NLGN1: variants seen among roughly 807,000 people sequenced by gnomAD.
NLGN1 encodes neuroligin-1.
A neutral mutation model predicts 65.5 loss-of-function variants in NLGN1; 12 were observed. The ratio of observed to expected loss-of-function variants is 0.18; its 90% CI spans 0.12 to 0.30. The LOEUF is 0.30. Among genes scored for constraint, NLGN1 ranks in the 10% least tolerant of loss-of-function variants. NLGN1 has a pLI of 1.00. For synonymous variants in NLGN1, 350 were observed against 359.5 expected (o/e 0.97, Z 0.30); for missense variants, 750 against 1,007.1 (o/e 0.74, Z 3.46).
At chr3:173,696,998 T>C (rs1177612749) in intron 3 of NLGN1, among the ~76,000 whole-genome samples, 2 of 152,178 alleles carry the variant, frequency 1.3e-5, no homozygotes, top group Non-Finnish European at 2.9e-5. Flanking sequence ...GATAGAGCCA[T>C]AGAGCAAGCC....
chr3:173,426,497 G>T (rs907346227), intron 1 of NLGN1, among the ~76,000 whole-genome samples: 4 of 151,976 alleles, frequency 2.6e-5, no homozygotes, highest in Non-Finnish European at 5.9e-5. Context: ...ATGTTTTGGG[G>T]TATGTTTTTT....
At chr3:173,762,293 T>G (rs1264904614) in intron 3 of NLGN1, among the ~76,000 whole-genome samples, 1 of 152,012 alleles carries the variant, frequency 6.6e-6, no homozygotes, top group Non-Finnish European at 1.5e-5. Flanking sequence ...ATGAAGTACT[T>G]TTTTGTTGTT....
chr3:173,561,985 G>T (rs910606165), intron 2 of NLGN1, among the ~76,000 whole-genome samples: 2 of 152,094 alleles, frequency 1.3e-5, no homozygotes, highest in African/African-American at 4.8e-5. Flanking sequence ...GAGAAATAGG[G>T]CTATAGATGA....
chr3:173,734,381 A>ATTTTTTTTTTTTTTTTTTTTT (rs71162356), intron 3 of NLGN1, among the ~76,000 whole-genome samples: 4 of 40,080 alleles, frequency 1.0e-4, no homozygotes, highest in Non-Finnish European at 1.6e-4. Context: ...GGATAATTCT[A>ATTTTTTTTTTTTTTTTTTTTT]TTTTTTTTTT....
At chr3:173,607,781 C>A (rs953780713) in intron 3 of NLGN1, among the ~76,000 whole-genome samples, 1 of 150,538 alleles carries the variant, frequency 6.6e-6, no homozygotes, top group African/African-American at 2.4e-5. Flanking sequence ...GGTTTAGGAA[C>A]TGTGAGAATA....
chr3:173,880,561 T>C (rs1275924742), intron 4 of NLGN1, among the ~76,000 whole-genome samples: 2 of 151,088 alleles, frequency 1.3e-5, no homozygotes. Flanking sequence ...GTGTACAATA[T>C]AAGTATGTTT....
chr3:173,939,376 A>G (rs1487469729), intron 4 of NLGN1, among the ~76,000 whole-genome samples: 4 of 152,146 alleles, frequency 2.6e-5, no homozygotes, highest in Non-Finnish European at 4.4e-5. Context: ...TCCATGTCCT[A>G]TTGCATTTAT....
intron 4 of NLGN1, among the ~76,000 whole-genome samples, chr3:174,137,316 C>A (rs777468561): frequency 1.4e-4 from 22 of 152,178 alleles, no homozygotes; most frequent in Admixed American, 5.2e-4. Flanking sequence ...TCAACCCCTG[C>A]GTGGTTTCCT....
At chr3:173,652,696 C>T (rs557930099) in intron 3 of NLGN1, among the ~76,000 whole-genome samples, 14 of 152,200 alleles carry the variant, frequency 9.2e-5, no homozygotes, top group Non-Finnish European at 1.9e-4. Flanking sequence ...CCAGCTTTGT[C>T]CTTTTTGCTT....
At chr3:173,989,634 T>C (rs1378958738) in intron 4 of NLGN1, among the ~76,000 whole-genome samples, 1 of 152,140 alleles carries the variant, frequency 6.6e-6, no homozygotes, top group Non-Finnish European at 1.5e-5. Flanking sequence ...TAATAGAAAA[T>C]CTTATTCACA....
At chr3:173,761,120 T>G (rs553391133) in intron 3 of NLGN1, among the ~76,000 whole-genome samples, 7 of 152,012 alleles carry the variant, frequency 4.6e-5, no homozygotes, top group Non-Finnish European at 4.4e-5. Flanking sequence ...GTCTTGCCCT[T>G]TTTGCTATAA....
chr3:174,157,935 AC>A (rs1046405200), intron 4 of NLGN1, among the ~76,000 whole-genome samples: 7 of 151,704 alleles, frequency 4.6e-5, no homozygotes, highest in African/African-American at 1.7e-4. Context: ...TTAAACATCA[AC>A]CAGGATTCTA....
chr3:173,827,206 G>A (rs1004280499), intron 4 of NLGN1, among the ~76,000 whole-genome samples: 5 of 152,048 alleles, frequency 3.3e-5, no homozygotes, highest in Non-Finnish European at 7.4e-5. Context: ...CAGTGGCACT[G>A]GAGCATAGTA....
chr3:174,098,052 C>T (rs1711513273), intron 4 of NLGN1, among the ~76,000 whole-genome samples: 1 of 152,176 alleles, frequency 6.6e-6, no homozygotes, highest in African/African-American at 2.4e-5. Flanking sequence ...AAAATCAAAG[C>T]ATTTCTCCAT....
intron 3 of NLGN1, among the ~76,000 whole-genome samples, chr3:173,794,418 C>T (rs1713521003): frequency 6.6e-6 from 1 of 152,048 alleles, no homozygotes; most frequent in Non-Finnish European, 1.5e-5. Context: ...GCAACCATGG[C>T]AGGGAGGTTG....
At chr3:173,946,815 C>G (rs73040086) in intron 4 of NLGN1, among the ~76,000 whole-genome samples, 7,242 of 152,188 alleles carry the variant, frequency 0.048, 538 homozygotes, top group African/African-American at 0.16. Flanking sequence ...TTAATTTACA[C>G]TGGCGAGAAT....
intron 4 of NLGN1, among the ~76,000 whole-genome samples, chr3:173,999,782 T>C (rs1198740334): frequency 6.6e-6 from 1 of 152,150 alleles, no homozygotes; most frequent in Middle Eastern, 3.2e-3. Flanking sequence ...AATTGACCTT[T>C]CAATTGAAAG....
chr3:173,832,145 G>A (rs893773742), intron 4 of NLGN1, among the ~76,000 whole-genome samples: 1 of 149,310 alleles, frequency 6.7e-6, no homozygotes, highest in Non-Finnish European at 1.5e-5. Flanking sequence ...AAAAAAAACT[G>A]TAGAGACAGG....
intron 2 of NLGN1, among the ~76,000 whole-genome samples, chr3:173,455,900 A>G (rs1171329328): frequency 6.6e-6 from 1 of 152,174 alleles, no homozygotes; most frequent in Non-Finnish European, 1.5e-5. Flanking sequence ...AACAGCAGAG[A>G]TAATGATATA....
Sources: gnomAD v4.1 joint callset for allele counts (sites outside exome capture counted in the v4.1 genomes callset) on GRCh38, gnomAD v4.1.1 for gene constraint, MANE v1.5 for transcripts, NCBI Gene and HGNC (gene_info 2026-07-23, HGNC 2026-07-21) for gene names.